GAB2: variants seen among roughly 807,000 people sequenced by gnomAD.
GAB2 encodes GRB2-associated-binding protein 2.
Under a neutral mutation model 65.5 loss-of-function variants are expected in GAB2, and 26 were observed. The ratio of observed to expected loss-of-function variants is 0.40; its 90% CI spans 0.29 to 0.55. GAB2 has a LOEUF of 0.55. Ranked by LOEUF, GAB2 falls within the 20% of genes least tolerant of loss-of-function variation. The pLI, the probability that GAB2 is intolerant of heterozygous loss-of-function variation, is 0.53. For missense variants in GAB2, 884 were observed against 875.8 expected (o/e 1.01, Z -0.12); for synonymous variants, 321 against 329.6 (o/e 0.97, Z 0.28).
chr11:78,283,927 G>C (rs1866403436), intron 1 of GAB2, among the ~76,000 whole-genome samples: 1 of 150,510 alleles, frequency 6.6e-6, no homozygotes, highest in Non-Finnish European at 1.5e-5. Context: ...ATTTTATTCA[G>C]TTTCACAGCT....
At chr11:78,408,777 A>G (rs1857087792) in intron 1 of GAB2, among the ~76,000 whole-genome samples, 1 of 152,036 alleles carries the variant, frequency 6.6e-6, no homozygotes, top group African/African-American at 2.4e-5. Context: ...GGTTATTTAG[A>G]AGTGTGTAGT....
intron 1 of GAB2, among the ~76,000 whole-genome samples, chr11:78,346,674 C>CATATATATATATAT (rs71046967): frequency 1.8e-5 from 1 of 54,910 alleles, no homozygotes; most frequent in Non-Finnish European, 3.2e-5. Context: ...ACATCCCCTC[C>CATATATATATATAT]ATATATATAT....
At chr11:78,329,499 C>A (rs1855880108) in intron 1 of GAB2, among the ~76,000 whole-genome samples, 1 of 152,056 alleles carries the variant, frequency 6.6e-6, no homozygotes, top group African/African-American at 2.4e-5. Context: ...AAGGCAGGGC[C>A]TTGTCTTTCT....
chr11:78,401,011 G>C (rs751908827), intron 1 of GAB2, among the ~76,000 whole-genome samples: 2 of 150,728 alleles, frequency 1.3e-5, no homozygotes, highest in Non-Finnish European at 2.9e-5. Flanking sequence ...GTCACTGAGA[G>C]AATATTCCAT....
At chr11:78,340,887 C>G (rs530451791) in intron 1 of GAB2, among the ~76,000 whole-genome samples, 26 of 152,288 alleles carry the variant, frequency 1.7e-4, no homozygotes, top group African/African-American at 6.3e-4. Context: ...AAAATCATCT[C>G]TTTCCTCATC....
At chr11:78,349,989 A>G (rs1439193975) in intron 1 of GAB2, among the ~76,000 whole-genome samples, 2 of 152,194 alleles carry the variant, frequency 1.3e-5, no homozygotes, top group East Asian at 3.8e-4. Context: ...CTTCTTTTTA[A>G]AGGTAAAAGC....
chr11:78,244,390 TCAAA>T (rs1462739756), intron 3 of GAB2, among the ~76,000 whole-genome samples: 3 of 143,804 alleles, frequency 2.1e-5, no homozygotes, highest in Admixed American at 1.5e-4. Context: ...AGATTCTGTC[TCAAA>T]AGAAAGAAAA....
At chr11:78,352,321 G>T (rs1189232809) in intron 1 of GAB2, among the ~76,000 whole-genome samples, 1 of 152,224 alleles carries the variant, frequency 6.6e-6, no homozygotes. Context: ...GCCTGGATCA[G>T]GCTCTTAAAT....
intron 1 of GAB2, among the ~76,000 whole-genome samples, chr11:78,380,849 C>A (rs1856688874): frequency 6.6e-6 from 1 of 151,290 alleles, no homozygotes; most frequent in Non-Finnish European, 1.5e-5. Context: ...GTTGTCCCTC[C>A]TCATGGAGTA....
At chr11:78,328,769 G>C (rs1348343741) in intron 1 of GAB2, among the ~76,000 whole-genome samples, 2 of 147,570 alleles carry the variant, frequency 1.4e-5, no homozygotes, top group Non-Finnish European at 3.0e-5. Flanking sequence ...GTTTCTTCTG[G>C]AGGGTGGGGG....
In GAB2 at chr11:78,221,759, G is replaced by C; in HGVS notation, c.1679C>G (p.Ser560Cys). ...SRANHTFNSSSSQYCRPISTQ... is the reference protein window; with the variant it reads ...SRANHTFNSSCSQYCRPISTQ... ...GGAGATGGGGCGGCAGTACTGGGAG[G>C]AGCTGGAGTTGAAGGTGTGGCTGTT... Residue 560 changes from serine (S) to cysteine (C), a missense_variant, in exon 8 of 10, where the codon TCC becomes TGC. Coordinates refer to ENST00000361507, the MANE Select transcript of GAB2 (RefSeq NM_080491.3). 6.2e-7 allele frequency: 1 copy of C among 1,613,400 alleles called. No individual in the cohort carries two copies. The highest frequency in any genetic ancestry group is 8.5e-7 in the Non-Finnish European group (1 of 1,179,444).
intron 1 of GAB2, among the ~76,000 whole-genome samples, chr11:78,394,473 G>A (rs542269619): frequency 1.4e-4 from 21 of 152,240 alleles, no homozygotes; most frequent in African/African-American, 5.1e-4. Context: ...CCTACCCCAC[G>A]GTGGGCTCCA....
intron 8 of GAB2, 148 bp downstream of exon 8, chr11:78,221,529 A>G (rs542098214): frequency 4.9e-5 from 22 of 452,986 alleles, no homozygotes; most frequent in African/African-American, 3.2e-4. Flanking sequence ...CAGGTGCTCA[A>G]GAAGGGTTTG....
chr11:78,346,722 A>ATTTT (rs1377368541), intron 1 of GAB2, among the ~76,000 whole-genome samples: 35 of 30,782 alleles, frequency 1.1e-3, no homozygotes, highest in African/African-American at 1.5e-3. Context: ...TATATATATA[A>ATTTT]TTTTTTTTTT....
chr11:78,358,613 C>T (rs1856393505), intron 1 of GAB2, among the ~76,000 whole-genome samples: 1 of 151,834 alleles, frequency 6.6e-6, no homozygotes, highest in Admixed American at 6.6e-5. Context: ...TAATAATGTC[C>T]TGAGGCTACT....
chr11:78,263,581 C>T (rs1352764560), intron 2 of GAB2, among the ~76,000 whole-genome samples: 2 of 148,726 alleles, frequency 1.3e-5, no homozygotes, highest in Non-Finnish European at 3.0e-5. Context: ...TGCAGTGAGC[C>T]GAGATCGCGC....
intron 1 of GAB2, among the ~76,000 whole-genome samples, chr11:78,310,834 T>A (rs1855484765): frequency 6.6e-6 from 1 of 152,024 alleles, no homozygotes; most frequent in Non-Finnish European, 1.5e-5. Context: ...GTATCACCCA[T>A]CAGAAAGAGT....
intron 1 of GAB2, among the ~76,000 whole-genome samples, chr11:78,296,264 C>G (rs1283379279): frequency 6.6e-6 from 1 of 152,156 alleles, no homozygotes; most frequent in African/African-American, 2.4e-5. Context: ...GACCCCTGCT[C>G]TAGGGGAAAA....
chr11:78,314,625 T>TA (rs1855564308), intron 1 of GAB2, among the ~76,000 whole-genome samples: 1 of 152,242 alleles, frequency 6.6e-6, no homozygotes, highest in African/African-American at 2.4e-5. Flanking sequence ...TACAGAATAT[T>TA]AAAGTGTCAA....
Sources: allele counts gnomAD v4.1 joint callset (sites outside exome capture counted in the v4.1 genomes callset), GRCh38; gene constraint gnomAD v4.1.1; transcripts MANE v1.5; gene names NCBI Gene and HGNC (gene_info 2026-07-23, HGNC 2026-07-21).